SPOPL: variants seen among roughly 807,000 people sequenced by gnomAD.
The protein encoded by SPOPL is speckle-type POZ protein-like.
A neutral mutation model predicts 53.8 loss-of-function variants in SPOPL; 23 were observed. The ratio of observed to expected loss-of-function variants is 0.43; its 90% confidence interval spans 0.31 to 0.61. The LOEUF is 0.61. Ranked by LOEUF, SPOPL falls within the 20% of genes least tolerant of loss-of-function variation. The pLI, the probability that SPOPL is intolerant of heterozygous loss-of-function variation, is 0.12. For synonymous variants in SPOPL, 164 were observed against 149.7 expected, an observed-to-expected ratio of 1.10 and a Z score of -0.70; for missense variants, 442 against 466.9, an observed-to-expected ratio of 0.95 and a Z score of 0.49.
chr2:138,522,665 C>G (rs540988018), intron 1 of SPOPL, among the ~76,000 whole-genome samples: 1 of 152,220 alleles, frequency 6.6e-6, no homozygotes, highest in Admixed American at 6.5e-5. Context: ...TTAACCACCC[C>G]CTCTTCTTGC....
At chr2:138,535,413 G>A (rs1573886800) in intron 1 of SPOPL, among the ~76,000 whole-genome samples, 1 of 151,948 alleles carries the variant, frequency 6.6e-6, no homozygotes, top group African/African-American at 2.4e-5. Context: ...AATTTTTTGA[G>A]GAATCCTTAA....
chr2:138,504,727 C>T (rs1684176942), intron 1 of SPOPL, among the ~76,000 whole-genome samples: 1 of 152,130 alleles, frequency 6.6e-6, no homozygotes, highest in Non-Finnish European at 1.5e-5. Context: ...GTACTAGCTA[C>T]GTACCGTTCT....
In SPOPL at chr2:138,550,868, A is replaced by G. The variant is rs778101755; in HGVS notation, c.201-35A>G. 162 of 1,581,232 alleles carry G rather than the reference A, an allele frequency of 1.0e-4. No homozygotes were observed. In the South Asian group the frequency reaches 1.1e-3, roughly 11 times the overall value. ...CTCTCTCGAATGCTTTTCAAGTATT[A>G]TATTCCTCCATGTGAGCTTATTGTT... On this transcript the variant is annotated intron_variant, in intron 3 of 10. Coordinates refer to ENST00000280098, the MANE Select transcript of SPOPL (RefSeq NM_001001664.3).
At chr2:138,544,438 G>A (rs1293730297) in intron 1 of SPOPL, among the ~76,000 whole-genome samples, 4 of 152,208 alleles carry the variant, frequency 2.6e-5, no homozygotes, top group Admixed American at 6.5e-5. Flanking sequence ...AGCAGTGGGC[G>A]CTCCTCCCCC....
intron 1 of SPOPL, among the ~76,000 whole-genome samples, chr2:138,524,132 C>G (rs1684618010): frequency 1.3e-5 from 2 of 152,224 alleles, no homozygotes; most frequent in South Asian, 4.1e-4. Flanking sequence ...GGTTCCCAAA[C>G]TTCAATTCTT....
chr2:138,515,352 G>A (rs898765721), intron 1 of SPOPL, among the ~76,000 whole-genome samples: 1 of 152,156 alleles, frequency 6.6e-6, no homozygotes, highest in Non-Finnish European at 1.5e-5. Context: ...TGCAGGTTGT[G>A]TTCATTCATT....
rs181359579 is a variant in SPOPL, at chr2:138,516,619, G to C, written c.-61+14500G>C. Among the ~76,000 whole-genome samples the C allele has an allele frequency of 3.9e-5, 6 of 152,304 alleles. No homozygotes were observed. In the East Asian group the frequency reaches 1.2e-3, roughly 29 times the overall value. On this transcript the variant is annotated intron_variant, in intron 1 of 10. Coordinates refer to ENST00000280098, the MANE Select transcript of SPOPL (RefSeq NM_001001664.3). ...TGAAGAAAACTGTGGAGGGAGACAAGTACTGATGAAGTCCTTAATAAGGGA... is the reference window on the plus strand; with the variant it reads ...TGAAGAAAACTGTGGAGGGAGACAACTACTGATGAAGTCCTTAATAAGGGA...
intron 1 of SPOPL, among the ~76,000 whole-genome samples, chr2:138,533,327 A>G (rs1343236090): frequency 6.6e-6 from 1 of 152,112 alleles, no homozygotes; most frequent in Non-Finnish European, 1.5e-5. Context: ...CAGCTCAGGG[A>G]ATATCTTCAG....
chr2:138,540,726 C>A (rs1284151728), intron 1 of SPOPL, among the ~76,000 whole-genome samples: 1 of 152,134 alleles, frequency 6.6e-6, no homozygotes, highest in African/African-American at 2.4e-5. Context: ...TAATTGGATA[C>A]CCTTTATTTC....
rs560538585 is a variant in SPOPL, at chr2:138,508,703, C to T, written c.-61+6584C>T. Among the ~76,000 whole-genome samples, 6 of 152,062 alleles carry T rather than the reference C, an allele frequency of 3.9e-5. No homozygotes were observed. In the South Asian group the frequency reaches 8.3e-4, roughly 21 times the overall value. ...AGTTTATTTTATTTTTTGGCAGAGA[C>T]GGGTCTCACTGTCTTTCCCAGGCTT... On this transcript the variant is annotated intron_variant, in intron 1 of 10. Transcript: ENST00000280098.
At chr2:138,562,862 A>C (rs1437731440) in intron 8 of SPOPL, among the ~76,000 whole-genome samples, 1 of 152,054 alleles carries the variant, frequency 6.6e-6, no homozygotes, top group Non-Finnish European at 1.5e-5. Context: ...ACATAAAAGA[A>C]AGTGTTTGTG....
chr2:138,515,281 C>T (rs988654069), intron 1 of SPOPL, among the ~76,000 whole-genome samples: 79 of 152,162 alleles, frequency 5.2e-4, no homozygotes, highest in Non-Finnish European at 6.0e-4. Flanking sequence ...CAACATTGGC[C>T]CAAAGCTCTA....
In SPOPL at chr2:138,569,199, C is replaced by T. The variant is rs1006546035; in HGVS notation, c.*119C>T. The T allele has an allele frequency of 3.5e-6, 4 of 1,156,142 alleles. No homozygotes were observed. The highest frequency in any genetic ancestry group is 4.9e-6 in the Non-Finnish European group (4 of 815,956). The allele number at this position is 1,156,142 out of a possible 1,614,324, so 71.6% of individuals were successfully genotyped here. A position where few individuals can be genotyped will look rare whatever the true frequency, so the allele number is the denominator to read the frequency against. On this transcript the variant is annotated 3_prime_UTR_variant, in exon 11 of 11. Transcript: ENST00000280098. ...TGTTATTTTGTCCACAGAACAGAAG[C>T]TGAAAAAGCATATTGCTTGCATTTC...
chr2:138,564,627 T>C (rs1342254240), intron 8 of SPOPL, 81 bp from the exon 9 acceptor site: 1 of 1,484,986 alleles, frequency 6.7e-7, no homozygotes, highest in African/African-American at 1.4e-5. Context: ...TTTACCCTTA[T>C]TTTCCAAGTT....
intron 2 of SPOPL, 23 bp downstream of exon 2, chr2:138,550,317 C>G: frequency 1.2e-6 from 2 of 1,611,702 alleles, no homozygotes; most frequent in South Asian, 2.2e-5. Context: ...AAAAATCCCT[C>G]ACTTTATGTC....
chr2:138,507,289 A>C (rs1684235221), intron 1 of SPOPL, among the ~76,000 whole-genome samples: 1 of 152,202 alleles, frequency 6.6e-6, no homozygotes, highest in South Asian at 2.1e-4. Context: ...TTCTATAAGT[A>C]TCTAAAACTT....
chr2:138,519,658 A>G lies in SPOPL; in HGVS notation c.-61+17539A>G, dbSNP rs187476244. Among the ~76,000 whole-genome samples the G allele has an allele frequency of 4.6e-5, 7 of 152,238 alleles. No homozygotes were observed. In the East Asian group the frequency reaches 1.4e-3, roughly 29 times the overall value. The stretch of plus-strand genomic sequence containing the variant: ...AAAACAGACATAAAATTATGCAGGT[A>G]TGGCATGCACCTGTAGTGCCAGCTA... On this transcript the variant is annotated intron_variant, in intron 1 of 10. Coordinates refer to ENST00000280098, the MANE Select transcript of SPOPL (RefSeq NM_001001664.3).
At chr2:138,525,663 A>AAAAAAAAAAAAAAAAAAC (rs1558865850) in intron 1 of SPOPL, among the ~76,000 whole-genome samples, 2 of 130,482 alleles carry the variant, frequency 1.5e-5, no homozygotes, top group Admixed American at 8.7e-5. Flanking sequence ...GTAGAAAAAA[A>AAAAAAAAAAAAAAAAAAC]AAAAAAAAAA....
chr2:138,525,051 C>G (rs1460872433), intron 1 of SPOPL, among the ~76,000 whole-genome samples: 1 of 152,168 alleles, frequency 6.6e-6, no homozygotes, highest in African/African-American at 2.4e-5. Context: ...TACCAGTTTA[C>G]TATATTAATC....
Sources: gnomAD v4.1 joint callset for allele counts (sites outside exome capture counted in the v4.1 genomes callset) on GRCh38, gnomAD v4.1.1 for gene constraint, MANE v1.5 for transcripts, NCBI Gene and HGNC (gene_info 2026-07-23, HGNC 2026-07-21) for gene names.